The following TRPC5 variants were observed in gnomAD, a reference collection of about 807,000 sequenced individuals.
The protein encoded by TRPC5 is short transient receptor potential channel 5.
In TRPC5, 9 loss-of-function variants were observed where a neutral mutation model predicts 56.5. The observed-to-expected ratio is 0.16, with a 90% confidence interval of 0.10 to 0.28. The LOEUF (loss-of-function observed/expected upper bound fraction) is 0.28. TRPC5 is among the 10% of genes least tolerant of loss of function. The probability of loss-of-function intolerance (pLI) is 1.00; values close to 1 mark genes in which losing one functional copy is unlikely to be tolerated. For synonymous variants in TRPC5, 282 were observed against 278.5 expected (o/e 1.01, Z -0.13); for missense variants, 469 against 748.9 (o/e 0.63, Z 4.36).
intron 3 of TRPC5, among the ~76,000 whole-genome samples, chrX:111,897,296 G>A (rs1168291753): frequency 9.0e-6 from 1 of 111,576 alleles, no homozygotes; most frequent in Non-Finnish European, 1.9e-5. Context: ...CCATTAATGT[G>A]ACAATTTATT....
chrX:111,795,619 T>C (rs931179115), intron 7 of TRPC5, among the ~76,000 whole-genome samples: 3 of 111,808 alleles, frequency 2.7e-5, no homozygotes, highest in South Asian at 3.7e-4. Context: ...GTACATGACA[T>C]AATACTTTTT....
At chrX:111,993,122 G>C (rs1401974611) in intron 1 of TRPC5, among the ~76,000 whole-genome samples, 1 of 100,631 alleles carries the variant, frequency 9.9e-6, no homozygotes, top group South Asian at 5.1e-4. Flanking sequence ...TCATTGTTCA[G>C]TTCCTGCCTA....
At chrX:111,935,770 A>G (rs904758565) in intron 2 of TRPC5, among the ~76,000 whole-genome samples, 19 of 111,596 alleles carry the variant, frequency 1.7e-4, no homozygotes, top group Non-Finnish European at 2.8e-4. Context: ...GTTGAAAATA[A>G]GTTCATTGTA....
At chrX:111,879,295 G>A (rs909278861) in intron 3 of TRPC5, among the ~76,000 whole-genome samples, 3 of 112,029 alleles carry the variant, frequency 2.7e-5, no homozygotes, top group African/African-American at 6.5e-5. Context: ...GTTGACTCTC[G>A]TTCTTCAGGT....
chrX:111,953,362 A>G (rs113067473), intron 1 of TRPC5, among the ~76,000 whole-genome samples: 2,358 of 112,307 alleles, frequency 0.021, 62 homozygotes, highest in African/African-American at 0.073. Flanking sequence ...AGCTCCTACA[A>G]TGTGTTTAAA....
intron 1 of TRPC5, among the ~76,000 whole-genome samples, chrX:112,008,282 A>C (rs970225993): frequency 3.6e-5 from 4 of 111,882 alleles, no homozygotes; most frequent in African/African-American, 1.3e-4. Context: ...TATGAACCTT[A>C]TTGTATTTTA....
At chrX:111,854,135 T>G in intron 3 of TRPC5, 29 bp from the exon 4 acceptor site, 1 of 1,165,233 alleles carries the variant, frequency 8.6e-7, no homozygotes, top group South Asian at 1.9e-5. Context: ...AAGTTAGGCA[T>G]CTGGAATGTC....
chrX:112,020,060 C>G (rs1276245795), intron 1 of TRPC5, among the ~76,000 whole-genome samples: 1 of 111,499 alleles, frequency 9.0e-6, no homozygotes, highest in African/African-American at 3.3e-5. Context: ...ATTGAATATA[C>G]TAGGTTTTTC....
chrX:112,014,002 G>T (rs916286727), intron 1 of TRPC5, among the ~76,000 whole-genome samples: 1 of 111,885 alleles, frequency 8.9e-6, no homozygotes, highest in Non-Finnish European at 1.9e-5. Flanking sequence ...TTCTAAAACC[G>T]GTTCTCAAGC....
At chrX:111,869,413 C>T (rs1230495891) in intron 3 of TRPC5, among the ~76,000 whole-genome samples, 1 of 111,583 alleles carries the variant, frequency 9.0e-6, no homozygotes, top group Non-Finnish European at 1.9e-5. Flanking sequence ...AGCTAGCAGA[C>T]TTAGTTCCCA....
chrX:112,014,531 T>C (rs947283792), intron 1 of TRPC5, among the ~76,000 whole-genome samples: 5 of 112,251 alleles, frequency 4.5e-5, no homozygotes, highest in Non-Finnish European at 1.9e-5. Context: ...GAACTAATCA[T>C]CTCCTTATTC....
intron 2 of TRPC5, among the ~76,000 whole-genome samples, chrX:111,936,069 T>C (rs900052685): frequency 1.8e-5 from 2 of 112,392 alleles, no homozygotes; most frequent in African/African-American, 6.5e-5. Flanking sequence ...TTAGCAATAT[T>C]GATTCTTCTA....
chrX:111,848,199 G>A (rs976376072), intron 5 of TRPC5, among the ~76,000 whole-genome samples: 1 of 111,463 alleles, frequency 9.0e-6, no homozygotes, highest in Non-Finnish European at 1.9e-5. Flanking sequence ...CTTGAAGGAG[G>A]GGAAGAACCA....
At chrX:111,853,261 C>T (rs943496580) in intron 4 of TRPC5, among the ~76,000 whole-genome samples, 5 of 111,529 alleles carry the variant, frequency 4.5e-5, no homozygotes, top group Non-Finnish European at 9.4e-5. Flanking sequence ...TGCCTGGAGA[C>T]TACTGGTAGG....
At chrX:112,080,805 A>T (rs756467035) in intron 1 of TRPC5, among the ~76,000 whole-genome samples, 7 of 112,192 alleles carry the variant, frequency 6.2e-5, no homozygotes, top group Admixed American at 9.4e-5. Context: ...ATAGACAATT[A>T]TGAATGCTGA....
intron 7 of TRPC5, among the ~76,000 whole-genome samples, chrX:111,787,920 A>G (rs1945982212): frequency 9.0e-6 from 1 of 111,721 alleles, no homozygotes; most frequent in African/African-American, 3.3e-5. Context: ...GGCCATAATT[A>G]ATAGCCTACC....
intron 3 of TRPC5, among the ~76,000 whole-genome samples, chrX:111,907,676 G>T (rs1031574527): frequency 9.1e-6 from 1 of 110,324 alleles, no homozygotes; most frequent in African/African-American, 3.3e-5. Context: ...GAAGCATAAA[G>T]TTAGGTTTCA....
At chrX:111,999,234 G>A (rs1928632071) in intron 1 of TRPC5, among the ~76,000 whole-genome samples, 1 of 110,869 alleles carries the variant, frequency 9.0e-6, no homozygotes, top group African/African-American at 3.3e-5. Flanking sequence ...CTGTAGTTTT[G>A]TATGTGTTCA....
In TRPC5 at chrX:111,773,232, TTA is replaced by T. The variant is rs1945853796; in HGVS notation, c.*3079_*3080del. ...GCATTTTCCGAAAATGATTTTAAATTTAGTCTTTCCTCTGTATTTCACTGGAC... is the reference window on the plus strand; with the variant it reads ...GCATTTTCCGAAAATGATTTTAAATTGTCTTTCCTCTGTATTTCACTGGAC... On this transcript the variant is annotated 3_prime_UTR_variant, in exon 11 of 11. Transcript: ENST00000262839. Among the ~76,000 whole-genome samples the T allele has an allele frequency of 8.9e-6, 1 of 112,012 alleles. No individual in the cohort carries two copies. Among genetic ancestry groups the T allele is most frequent in the Non-Finnish European group, 1.9e-5 (1 of 53,230 alleles).
Sources: gnomAD v4.1 joint callset for allele counts (sites outside exome capture counted in the v4.1 genomes callset) on GRCh38, gnomAD v4.1.1 for gene constraint, MANE v1.5 for transcripts, NCBI Gene and HGNC (gene_info 2026-07-23, HGNC 2026-07-21) for gene names.